The following GLIS3 variants were observed in gnomAD, a reference collection of about 807,000 sequenced individuals.
The protein encoded by GLIS3 is zinc finger protein GLIS3.
Under a neutral mutation model 78.6 loss-of-function variants are expected in GLIS3, and 53 were observed. That is an observed-to-expected ratio of 0.67 (90% CI 0.54 to 0.85). The LOEUF (loss-of-function observed/expected upper bound fraction) is 0.85, where lower values mean the gene tolerates loss of function less well. Ranked by LOEUF, GLIS3 falls within the 40% of genes least tolerant of loss-of-function variation. The pLI, the probability that GLIS3 is intolerant of heterozygous loss-of-function variation, is 0.00. For missense variants in GLIS3, 1,703 were observed against 1,231.1 expected (o/e 1.38, Z -5.74); for synonymous variants, 684 against 509.9 (o/e 1.34, Z -4.60).
chr9:4,473,884 A>G, the GLIS3 span, among the ~76,000 whole-genome samples: 1 of 152,246 alleles, frequency 6.6e-6, no homozygotes, highest in African/African-American at 2.4e-5. Context: ...GATGCACAAG[A>G]CCTGTATGTA....
At chr9:3,963,424 C>G (rs1321480569) in intron 4 of GLIS3, among the ~76,000 whole-genome samples, 1 of 152,132 alleles carries the variant, frequency 6.6e-6, no homozygotes, top group Non-Finnish European at 1.5e-5. Context: ...GCCGCTTGTT[C>G]TCATAAGACA....
At chr9:4,125,387 T>C (rs981348816) in intron 3 of GLIS3, among the ~76,000 whole-genome samples, 10 of 152,184 alleles carry the variant, frequency 6.6e-5, no homozygotes, top group African/African-American at 2.2e-4. Flanking sequence ...TAGGTGTACA[T>C]GGACCATGCA....
intron 9 of GLIS3, among the ~76,000 whole-genome samples, chr9:3,854,641 A>T (rs979603724): frequency 2.0e-5 from 3 of 150,618 alleles, no homozygotes; most frequent in African/African-American, 7.3e-5. Context: ...GGTTCATGCT[A>T]TTCTCCTGCC....
intron 2 of GLIS3, among the ~76,000 whole-genome samples, chr9:4,203,228 T>G (rs369645070): frequency 6.6e-6 from 1 of 152,204 alleles, no homozygotes; most frequent in Non-Finnish European, 1.5e-5. Flanking sequence ...AGAAATGCTC[T>G]GCAGCAGTAG....
chr9:4,350,955 C>G (rs1001194546), upstream of GLIS3, among the ~76,000 whole-genome samples: 2 of 152,170 alleles, frequency 1.3e-5, no homozygotes, highest in Admixed American at 6.5e-5. Context: ...CCATTTGTGG[C>G]TCTTCTAAGC....
intron 2 of GLIS3, among the ~76,000 whole-genome samples, chr9:4,225,855 G>C (rs1056702650): frequency 6.6e-6 from 1 of 152,142 alleles, no homozygotes; most frequent in African/African-American, 2.4e-5. Context: ...CAATTTTTCT[G>C]AGTTTTAATT....
the GLIS3 span, among the ~76,000 whole-genome samples, chr9:4,360,997 T>A: frequency 6.6e-6 from 1 of 152,264 alleles, no homozygotes; most frequent in African/African-American, 2.4e-5. Flanking sequence ...GCCTTTGTCC[T>A]AGCCTTGACA....
At chr9:4,027,678 C>A (rs1823459477) in intron 4 of GLIS3, among the ~76,000 whole-genome samples, 1 of 152,176 alleles carries the variant, frequency 6.6e-6, no homozygotes, top group Admixed American at 6.5e-5. Flanking sequence ...GTCTGATAAG[C>A]TCATACTGAA....
At chr9:4,251,018 A>G (rs1461179563) in intron 2 of GLIS3, among the ~76,000 whole-genome samples, 4 of 152,100 alleles carry the variant, frequency 2.6e-5, no homozygotes, top group Non-Finnish European at 4.4e-5. Flanking sequence ...GGAGTGTTTT[A>G]CTTCCAACTA....
the GLIS3 span, among the ~76,000 whole-genome samples, chr9:4,400,416 T>A: frequency 2.0e-5 from 3 of 152,216 alleles, no homozygotes; most frequent in African/African-American, 7.2e-5. Flanking sequence ...CTTCTTAAAT[T>A]ATTTTGAGCC....
At chr9:3,853,096 C>T (rs991454594) in intron 9 of GLIS3, among the ~76,000 whole-genome samples, 1 of 152,088 alleles carries the variant, frequency 6.6e-6, no homozygotes, top group Non-Finnish European at 1.5e-5. Context: ...CCTGCAGTCT[C>T]GGCTGCTTGG....
Position 4,286,276 on chromosome 9 carries a change from A to G in GLIS3, c.150T>C (p.Thr50=), listed in dbSNP as rs753592152. 1.9e-6 allele frequency: 3 copies of G among 1,614,120 alleles called. No homozygotes were observed. In the African/African-American group the frequency reaches 4.0e-5, roughly 22 times the overall value. ...GGAGGTTGTTAGCAAGGCTTGCCAT[A>G]GTGGGACTCGATGTGCTGCCACAGG... ...PSPCGSTSSP[T]MASLANNLHL... is the part of the protein sequence containing the mutation. The change falls in exon 2 of 11, where the codon ACT becomes ACC. Residue 50 remains threonine, a synonymous_variant. Coordinates refer to ENST00000381971, the MANE Select transcript of GLIS3 (RefSeq NM_001042413.2).
rs398046406 is a variant in GLIS3, at chr9:4,066,039, T to TAA, written c.1710+51727_1710+51728dup. On this transcript the variant is annotated intron_variant, in intron 4 of 10. Coordinates refer to ENST00000381971, the MANE Select transcript of GLIS3 (RefSeq NM_001042413.2). ...TCTCATTAAAATGACCCAAAGAATATAAAAAAAAAAAAAAAGAAACAGGCG... is the reference window on the plus strand; with the variant it reads ...TCTCATTAAAATGACCCAAAGAATATAAAAAAAAAAAAAAAAAGAAACAGGCG... Among the ~76,000 whole-genome samples, 683 of 133,308 alleles carry TAA rather than the reference T, an allele frequency of 5.1e-3. 14 individuals are homozygous for TAA. Among genetic ancestry groups the TAA allele is most frequent in the Middle Eastern group, 0.028 (7 of 246 alleles). The allele number at this position is 133,308 out of a possible 152,430, so 87.5% of individuals were successfully genotyped here.
At chr9:4,282,563 C>A (rs562120057) in intron 2 of GLIS3, among the ~76,000 whole-genome samples, 1 of 152,188 alleles carries the variant, frequency 6.6e-6, no homozygotes, top group African/African-American at 2.4e-5. Context: ...GGATCTTGAG[C>A]CTGGCAGCCT....
At chr9:4,046,352 C>T (rs1246259379) in intron 4 of GLIS3, among the ~76,000 whole-genome samples, 2 of 152,102 alleles carry the variant, frequency 1.3e-5, no homozygotes, top group African/African-American at 4.8e-5. Context: ...AGTAAAGACC[C>T]TGAATGGTAC....
chr9:4,280,954 T>C (rs1587288705), intron 2 of GLIS3, among the ~76,000 whole-genome samples: 1 of 152,310 alleles, frequency 6.6e-6, no homozygotes, highest in Admixed American at 6.5e-5. Flanking sequence ...TCTCAGTTCA[T>C]AGCATGCTCA....
intron 2 of GLIS3, among the ~76,000 whole-genome samples, chr9:4,156,076 C>T (rs1339789780): frequency 6.6e-6 from 1 of 152,064 alleles, no homozygotes; most frequent in African/African-American, 2.4e-5. Flanking sequence ...ACATTCAAAC[C>T]CCAAGTCCAG....
At chr9:4,214,491 G>A (rs1269610155) in intron 2 of GLIS3, among the ~76,000 whole-genome samples, 1 of 152,170 alleles carries the variant, frequency 6.6e-6, no homozygotes, top group Non-Finnish European at 1.5e-5. Context: ...AACTGCCAGG[G>A]CTATGCTAAG....
chr9:3,967,483 A>G (rs895653609), intron 4 of GLIS3, among the ~76,000 whole-genome samples: 3 of 152,296 alleles, frequency 2.0e-5, no homozygotes, highest in Admixed American at 2.0e-4. Flanking sequence ...AGCCTGGGCA[A>G]TAGAGCGAGA....
Sources: allele counts gnomAD v4.1 joint callset (sites outside exome capture counted in the v4.1 genomes callset), GRCh38; gene constraint gnomAD v4.1.1; transcripts MANE v1.5; gene names NCBI Gene and HGNC (gene_info 2026-07-23, HGNC 2026-07-21).